The following ASMTL variants were observed in gnomAD, a reference collection of about 807,000 sequenced individuals.
ASMTL encodes acetylserotonin O-methyltransferase like, also known as probable bifunctional dTTP/UTP pyrophosphatase/methyltransferase protein.
ASMTL carries 57 observed loss-of-function variants against 60.3 expected under a neutral mutation model. The observed-to-expected ratio is 0.95, with a 90% CI of 0.76 to 1.18. The LOEUF (loss-of-function observed/expected upper bound fraction) is 1.18. ASMTL is among the 50% of genes most tolerant of loss of function. ASMTL has a pLI of 0.00. For synonymous variants in ASMTL, 419 were observed against 373.0 expected, an observed-to-expected ratio of 1.12 and a Z score of -1.42; for missense variants, 981 against 852.6, an observed-to-expected ratio of 1.15 and a Z score of -1.88.
chrX:1,437,166 G>A (rs2090987707), intron 3 of ASMTL, among the ~76,000 whole-genome samples: 1 of 151,922 alleles, frequency 6.6e-6, no homozygotes, highest in Non-Finnish European at 1.5e-5. Flanking sequence ...CACAGCCCTG[G>A]AGGCTGGAGG....
rs753733865 is a variant in ASMTL, at chrX:1,440,244, G to A, written c.226-1100C>T. ...TGGGACTACAGGCGCCCGCCACCGC[G>A]CCCAGCCAATATTTTGTGTGTGTTT... On this transcript the variant is annotated intron_variant, in intron 2 of 12. Transcript: ENST00000381317. Among the ~76,000 whole-genome samples the A allele has an allele frequency of 1.2e-4, 19 of 152,044 alleles. No individual in the cohort carries two copies. The East Asian group carries it at 2.5e-3, about 20-fold the overall frequency.
At chrX:1,432,005 C>T (rs1377379002) in intron 6 of ASMTL, 1 of 550,108 alleles carries the variant, frequency 1.8e-6, no homozygotes, top group Non-Finnish European at 3.3e-6. Context: ...CTACCCCTGC[C>T]CAGCGCCTCC....
At chrX:1,430,814 CAT>C (rs1216892686) in intron 6 of ASMTL, among the ~76,000 whole-genome samples, 63 of 145,492 alleles carry the variant, frequency 4.3e-4, no homozygotes, top group East Asian at 9.9e-4. Flanking sequence ...ATAAAATAAA[CAT>C]ATATTTTATA....
chrX:1,412,022 G>C (rs1426157424), intron 12 of ASMTL, among the ~76,000 whole-genome samples: 2 of 151,800 alleles, frequency 1.3e-5, no homozygotes, highest in African/African-American at 4.8e-5. Context: ...TCACCATGTT[G>C]GCCAGGCTGG....
chrX:1,413,080 A>C, intron 11 of ASMTL: 1 of 569,520 alleles, frequency 1.8e-6, no homozygotes, highest in Non-Finnish European at 3.2e-6. Context: ...GGCTGAGAAA[A>C]CGCTGGGGAC....
intron 6 of ASMTL, 132 bp downstream of exon 6, chrX:1,432,137 G>A: frequency 7.1e-6 from 5 of 707,446 alleles, no homozygotes; most frequent in Non-Finnish European, 1.2e-5. Flanking sequence ...GAGCCGGGCG[G>A]CTCTCCCTGT....
rs1299255795 is a variant in ASMTL at position 1,427,969 on chromosome X, C to T, written c.662G>A (p.Arg221Gln). ...GATGGAGTCGTGCTTGACACTCCGCCGCAGGTCCTCCGGACGGGGCGGGTA... is the reference window on the plus strand; with the variant it reads ...GATGGAGTCGTGCTTGACACTCCGCTGCAGGTCCTCCGGACGGGGCGGGTA... ...LYYPPRPEDL[R>Q]RSVKHDSIPA... The change falls in exon 7 of 13, where the codon CGG becomes CAG. Residue 221 changes from arginine (R) to glutamine (Q), a missense_variant. Transcript: ENST00000381317. 18 of 1,613,448 alleles carry T rather than the reference C, an allele frequency of 1.1e-5. No homozygotes were observed. The highest frequency in any genetic ancestry group is 1.1e-4 in the East Asian group (5 of 44,894).
In ASMTL at chrX:1,420,972, T is replaced by C. The variant is rs1220628364; in HGVS notation, c.1245+686A>G. 2.6e-5 allele frequency among the ~76,000 whole-genome samples: 4 copies of C among 150,990 alleles called. No homozygotes were observed. The East Asian group carries it at 5.8e-4, about 22-fold the overall frequency. ...TGGCTAATCGTTAATTTTTTTTTTT[T>C]TTTTTGAGATGGAGTTTCGCTCTGT... On this transcript the variant is annotated intron_variant, in intron 9 of 12. Transcript: ENST00000381317.
rs1343634299 is a variant in ASMTL at position 1,412,894 on chromosome X, G to T, written c.1523-40C>A. On this transcript the variant is annotated intron_variant, in intron 11 of 12. Transcript: ENST00000381317. ...AAACGAGATACGTCCGTCAGGTATG[G>T]AAGAAGCAGTCCTCCCCGGACAGAT... 3.1e-6 allele frequency: 5 copies of T among 1,612,200 alleles called. No individual in the cohort carries two copies. The African/African-American group carries it at 5.3e-5, about 17-fold the overall frequency.
At chrX:1,443,814 C>T (rs1290788800) in intron 1 of ASMTL, among the ~76,000 whole-genome samples, 13 of 151,796 alleles carry the variant, frequency 8.6e-5, no homozygotes, top group African/African-American at 2.2e-4. Context: ...CAGACACCAT[C>T]GTGGACACAC....
intron 9 of ASMTL, among the ~76,000 whole-genome samples, chrX:1,420,375 ATCTC>A (rs1368165980): frequency 6.9e-6 from 1 of 144,422 alleles, no homozygotes; most frequent in Non-Finnish European, 1.5e-5. Context: ...CTGTCTGCCT[ATCTC>A]TCTCTCTGTG....
At chrX:1,415,495 C>T (rs1432248286) in intron 11 of ASMTL, among the ~76,000 whole-genome samples, 28 of 148,148 alleles carry the variant, frequency 1.9e-4, no homozygotes, top group Non-Finnish European at 3.0e-4. Flanking sequence ...GATGGAGTTT[C>T]GCTCTTGTTG....
rs184176766 is a variant in ASMTL at position 1,423,113 on chromosome X, C to T, written c.1061-1271G>A. ...GACTACAGGCACCCGCCACCGTGCC[C>T]GGCTAATTTTTTGTATTTTTAGTAG... On this transcript the variant is annotated intron_variant, in intron 8 of 12. Transcript: ENST00000381317. Among the ~76,000 whole-genome samples the T allele has an allele frequency of 7.9e-3, 1,207 of 152,118 alleles. 19 individuals are homozygous for T. The highest frequency in any genetic ancestry group is 0.027 in the African/African-American group (1,112 of 41,494).
chrX:1,443,204 ATCTGGGACACACACCGTCG>A (rs2091149276), intron 1 of ASMTL, among the ~76,000 whole-genome samples: 1 of 150,210 alleles, frequency 6.7e-6, no homozygotes, highest in African/African-American at 2.5e-5. Context: ...ACACACTGCC[ATCTGGGACACACACCGTCG>A]TCGTGCACAC....
chrX:1,417,311 A>G (rs767810094), intron 11 of ASMTL, among the ~76,000 whole-genome samples: 1 of 148,274 alleles, frequency 6.7e-6, no homozygotes. Context: ...ACACAGACGC[A>G]CATACACAGA....
intron 8 of ASMTL, among the ~76,000 whole-genome samples, chrX:1,425,128 A>G (rs2090584563): frequency 6.6e-6 from 1 of 152,034 alleles, no homozygotes; most frequent in Non-Finnish European, 1.5e-5. Context: ...TCTATCGTCA[A>G]TCTATATCAA....
intron 5 of ASMTL, among the ~76,000 whole-genome samples, chrX:1,434,281 G>A (rs1425473992): frequency 4.6e-5 from 7 of 152,092 alleles, no homozygotes; most frequent in Admixed American, 3.9e-4. Context: ...CTTCAGCCCA[G>A]GAGTTCGAGA....
rs2091430747 is a variant in ASMTL at position 1,452,857 on chromosome X, G to A, written c.-17C>T. The stretch of plus-strand genomic sequence containing the variant: ...CAGCACCATGGCGTCCACGCCGGGA[G>A]CCGGGCGTCCGCACTTCTGAGCCCG... On this transcript the variant is annotated 5_prime_UTR_variant, in exon 1 of 13. Transcript: ENST00000381317. 1.9e-6 allele frequency: 3 copies of A among 1,547,862 alleles called. No homozygotes were observed. Among genetic ancestry groups the A allele is most frequent in the East Asian group, 2.5e-5 (1 of 40,770 alleles).
chrX:1,421,690 C>G lies in ASMTL; in HGVS notation c.1213G>C (p.Ala405Pro). ...IREGTNQHHR[A>P]LGKKAEDLFQ... ...AGATCTTCCGCCTTCTTCCCCAACGCCCTGTGGTGCTGGTTTGTTCCCTCT... is the reference window on the plus strand; with the variant it reads ...AGATCTTCCGCCTTCTTCCCCAACGGCCTGTGGTGCTGGTTTGTTCCCTCT... Residue 405 changes from alanine (A) to proline (P), a missense_variant, in exon 9 of 13, where the codon GCG (alanine) becomes CCG (proline). Transcript: ENST00000381317. The G allele has an allele frequency of 6.2e-7, 1 of 1,613,906 alleles. No homozygotes were observed. The highest frequency in any genetic ancestry group is 8.5e-7 in the Non-Finnish European group (1 of 1,179,832).
Sources: gnomAD v4.1 joint callset for allele counts (sites outside exome capture counted in the v4.1 genomes callset) on GRCh38, gnomAD v4.1.1 for gene constraint, MANE v1.5 for transcripts, NCBI Gene and HGNC (gene_info 2026-07-23, HGNC 2026-07-21) for gene names.